The following KCNQ1OT1 variants were observed in gnomAD, a reference collection of about 807,000 sequenced individuals.
KCNQ1OT1 encodes KCNQ1 opposite strand/antisense transcript 1.
chr11:2,655,421 G>T (rs1849828225), exon 1 of KCNQ1OT1: 1 of 398,648 alleles, frequency 2.5e-6, no homozygotes. Context: ...TTGTCCCCAG[G>T]GCCAGCCACT....
Position 2,658,358 on chromosome 11 carries a change from T to C in KCNQ1OT1, n.41637A>G, listed in dbSNP as rs1849888750. 5.0e-6 allele frequency: 2 copies of C among 398,478 alleles called. No homozygotes were observed. The highest frequency in any genetic ancestry group is 8.8e-6 in the Non-Finnish European group (2 of 226,040). 24.7% of individuals were successfully genotyped at this position (398,478 alleles called of 1,614,324 possible). On this transcript the variant is annotated non_coding_transcript_exon_variant, in exon 1 of 1. Transcript: ENST00000597346. The surrounding 1 kb of genome is among the most constrained non-coding windows in gnomAD (Gnocchi z 4.9). ...TTTATTTAATTTTATCAGTGTGGAT[T>C]TGGGAGTATTTATTTTTTGAGTTAT...
At position 2,670,297 on chromosome 11, in the gene KCNQ1OT1, C is replaced by T. The variant is rs575710919; in HGVS notation, n.29698G>A. The T allele has an allele frequency of 2.8e-4, 110 of 398,432 alleles. 1 individual carries two copies. In the South Asian group the frequency reaches 0.013, roughly 48 times the overall value. The allele number at this position is 398,432 out of a possible 1,614,324, so 24.7% of individuals were successfully genotyped here. Reference sequence around the variant, plus strand: ...TTGTCTCTAGGCAACCCATAGGTGCCCAATGGAGAGATAATCTCAAATATG... The same window carrying T: ...TTGTCTCTAGGCAACCCATAGGTGCTCAATGGAGAGATAATCTCAAATATG... On this transcript the variant is annotated non_coding_transcript_exon_variant, in exon 1 of 1. Transcript: ENST00000597346. The surrounding 1 kb of genome is among the most constrained non-coding windows in gnomAD (Gnocchi z 4.9).
In KCNQ1OT1 at chr11:2,659,017, T is replaced by C; in HGVS notation, n.40978A>G. On this transcript the variant is annotated non_coding_transcript_exon_variant, in exon 1 of 1. Coordinates refer to ENST00000597346, the Ensembl canonical transcript of KCNQ1OT1. This position sits in a 1 kb window ranked among gnomAD's most constrained non-coding sequence, Gnocchi z 4.3. ...TTTGAAAGCAACATATGCCAGCTCC[T>C]CCTCCTCCTTTCCTTTCACTGCTAT... 2.5e-6 allele frequency: 1 copy of C among 398,646 alleles called. No homozygotes were observed. The highest frequency in any genetic ancestry group is 3.6e-5 in the East Asian group (1 of 28,070). The allele number at this position is 398,646 out of a possible 1,614,324, so 24.7% of individuals were successfully genotyped here. A position where few individuals can be genotyped will look rare whatever the true frequency, so the allele number is the denominator to read the frequency against.
At chr11:2,625,788 C>G in exon 1 of KCNQ1OT1, 1 of 398,144 alleles carries the variant, frequency 2.5e-6, no homozygotes, top group African/African-American at 2.1e-5. Flanking sequence ...CCAGGATGGT[C>G]TCAATCTCCT....
exon 1 of KCNQ1OT1, chr11:2,666,247 G>GGGA: frequency 2.5e-6 from 1 of 398,572 alleles, no homozygotes; most frequent in East Asian, 3.6e-5. Context: ...ATGGGCATGG[G>GGGA]GGAGGACCAG....
chr11:2,612,551 A>C lies in KCNQ1OT1; in HGVS notation n.87444T>G, dbSNP rs1304129548. On this transcript the variant is annotated non_coding_transcript_exon_variant, in exon 1 of 1. Coordinates refer to ENST00000597346, the Ensembl canonical transcript of KCNQ1OT1. The surrounding 1 kb of genome is among the most constrained non-coding windows in gnomAD (Gnocchi z 5.5). ...AGCCGCACTAGTGAGTTTTTCACCT[A>C]AGTTATTATATTTCACAACTACAGA... 1 of 398,456 alleles carries C rather than the reference A, an allele frequency of 2.5e-6. No individual in the cohort carries two copies. The highest frequency in any genetic ancestry group is 4.4e-6 in the Non-Finnish European group (1 of 226,060). 24.7% of individuals were successfully genotyped at this position (398,456 alleles called of 1,614,324 possible).
At position 2,667,455 on chromosome 11, in the gene KCNQ1OT1, A is replaced by G. The variant is rs369018608; in HGVS notation, n.32540T>C. 3.8e-5 allele frequency: 15 copies of G among 398,732 alleles called. 2 individuals carry two copies. Among genetic ancestry groups the G allele is most frequent in the African/African-American group, 2.9e-4 (14 of 48,762 alleles). 24.7% of individuals were successfully genotyped at this position (398,732 alleles called of 1,614,324 possible). A position where few individuals can be genotyped will look rare whatever the true frequency, so the allele number is the denominator to read the frequency against. On this transcript the variant is annotated non_coding_transcript_exon_variant, in exon 1 of 1. Transcript: ENST00000597346. The stretch of plus-strand genomic sequence containing the variant: ...CATGATGCTGCTCAGGTCCTCAGCC[A>G]AGCAGATGGTGTTGGAGGATGTGAC...
rs1403711732 is a variant in KCNQ1OT1 at position 2,679,599 on chromosome 11, A to G, written n.20396T>C. 2 of 398,508 alleles carry G rather than the reference A, an allele frequency of 5.0e-6. No homozygotes were observed. Among genetic ancestry groups the G allele is most frequent in the Non-Finnish European group, 8.8e-6 (2 of 226,078 alleles). The allele number at this position is 398,508 out of a possible 1,614,324, so 24.7% of individuals were successfully genotyped here. A position where few individuals can be genotyped will look rare whatever the true frequency, so the allele number is the denominator to read the frequency against. ...ACAGTGCCTGACAAAGCTGATGGGG[A>G]GGCGAGTTGGAATGAATAGTATCAG... On this transcript the variant is annotated non_coding_transcript_exon_variant, in exon 1 of 1. Coordinates refer to ENST00000597346, the Ensembl canonical transcript of KCNQ1OT1. The surrounding 1 kb of genome is among the most constrained non-coding windows in gnomAD (Gnocchi z 4.8).
chr11:2,698,209 G>C lies in KCNQ1OT1; in HGVS notation n.1786C>G. ...GGGCACCACAGTAAAGAAAGAACTG[G>C]TAAATGCACATCAAATGTGGATATT... On this transcript the variant is annotated non_coding_transcript_exon_variant, in exon 1 of 1. Coordinates refer to ENST00000597346, the Ensembl canonical transcript of KCNQ1OT1. This position sits in a 1 kb window ranked among gnomAD's most constrained non-coding sequence, Gnocchi z 5.1. 1 of 398,592 alleles carries C rather than the reference G, an allele frequency of 2.5e-6. No individual in the cohort carries two copies. The highest frequency in any genetic ancestry group is 1.3e-4 in the South Asian group (1 of 7,858). 24.7% of individuals were successfully genotyped at this position (398,592 alleles called of 1,614,324 possible).
rs1192424479 is a variant in KCNQ1OT1, at chr11:2,626,843, A to G, written n.73152T>C. 10 of 398,462 alleles carry G rather than the reference A, an allele frequency of 2.5e-5. No homozygotes were observed. Among genetic ancestry groups the G allele is most frequent in the East Asian group, 3.6e-5 (1 of 28,080 alleles). The allele number at this position is 398,462 out of a possible 1,614,324, so 24.7% of individuals were successfully genotyped here. On this transcript the variant is annotated non_coding_transcript_exon_variant, in exon 1 of 1. Coordinates refer to ENST00000597346, the Ensembl canonical transcript of KCNQ1OT1. The surrounding 1 kb of genome is among the most constrained non-coding windows in gnomAD (Gnocchi z 4.0). ...GTACCTGGCCTGTAGTAAGTTTTCA[A>G]ATCAGAAAGTGTGAGTCCTCCAATG...
exon 1 of KCNQ1OT1, chr11:2,662,189 C>T (rs1402502741): frequency 1.2e-5 from 18 of 1,467,896 alleles, no homozygotes; most frequent in East Asian, 2.3e-5. Flanking sequence ...GCTATCTACT[C>T]GCCTAGTGCC....
rs1039428772 is a variant in KCNQ1OT1, at chr11:2,671,210, G to A, written n.28785C>T. The A allele has an allele frequency of 5.0e-6, 2 of 398,508 alleles. No homozygotes were observed. The highest frequency in any genetic ancestry group is 8.8e-6 in the Non-Finnish European group (2 of 226,088). 24.7% of individuals were successfully genotyped at this position (398,508 alleles called of 1,614,324 possible). A position where few individuals can be genotyped will look rare whatever the true frequency, so the allele number is the denominator to read the frequency against. Reference sequence around the variant, plus strand: ...AGGAAAGAAAAATAAAAGGTAGAGAGACAGAGGTAGACAGGAGTCCAGGTC... The same window carrying A: ...AGGAAAGAAAAATAAAAGGTAGAGAAACAGAGGTAGACAGGAGTCCAGGTC... On this transcript the variant is annotated non_coding_transcript_exon_variant, in exon 1 of 1. Coordinates refer to ENST00000597346, the Ensembl canonical transcript of KCNQ1OT1. This position sits in a 1 kb window ranked among gnomAD's most constrained non-coding sequence, Gnocchi z 4.7.
chr11:2,673,916 T>C lies in KCNQ1OT1; in HGVS notation n.26079A>G, dbSNP rs2133871593. 2.7e-6 allele frequency: 1 copy of C among 372,728 alleles called. No individual in the cohort carries two copies. The highest frequency in any genetic ancestry group is 2.2e-5 in the African/African-American group (1 of 44,590). 23.1% of individuals were successfully genotyped at this position (372,728 alleles called of 1,614,324 possible). ...GATGGGAGCTCAGCTCACCGGGTGC[T>C]AGACAAGGGAGTGTGTCTCTTTCCC... On this transcript the variant is annotated non_coding_transcript_exon_variant, in exon 1 of 1. Coordinates refer to ENST00000597346, the Ensembl canonical transcript of KCNQ1OT1. The surrounding 1 kb of genome is among the most constrained non-coding windows in gnomAD (Gnocchi z 4.5).
At chr11:2,699,935 G>C (rs1307888629) in exon 1 of KCNQ1OT1, 1 of 398,282 alleles carries the variant, frequency 2.5e-6, no homozygotes, top group Non-Finnish European at 4.4e-6. Flanking sequence ...GGGCGCCCTG[G>C]CAGGATCTTG....
rs1849795649 is a variant in KCNQ1OT1 at position 2,653,879 on chromosome 11, G to A, written n.46116C>T. ...AACACTGCACACTAGGAGTGGGAAA[G>A]GAAGAGCCCCCTAAGGAAGATTTGA... On this transcript the variant is annotated non_coding_transcript_exon_variant, in exon 1 of 1. Transcript: ENST00000597346. The surrounding 1 kb of genome is among the most constrained non-coding windows in gnomAD (Gnocchi z 5.3). 1 of 398,556 alleles carries A rather than the reference G, an allele frequency of 2.5e-6. No homozygotes were observed. The highest frequency in any genetic ancestry group is 2.1e-5 in the African/African-American group (1 of 48,636). The allele number at this position is 398,556 out of a possible 1,614,324, so 24.7% of individuals were successfully genotyped here. A position where few individuals can be genotyped will look rare whatever the true frequency, so the allele number is the denominator to read the frequency against.
chr11:2,672,873 C>T (rs1222882044), exon 1 of KCNQ1OT1: 7 of 398,630 alleles, frequency 1.8e-5, no homozygotes, highest in Non-Finnish European at 2.7e-5. Flanking sequence ...ACCCTAGCCA[C>T]CTGACTGTCA....
chr11:2,635,996 G>T (rs868509986), exon 1 of KCNQ1OT1: 4 of 152,258 alleles, frequency 2.6e-5, no homozygotes, highest in African/African-American at 4.8e-5. Context: ...TCTGTTATTG[G>T]TGTATAAGAA....
At chr11:2,628,612 C>T in exon 1 of KCNQ1OT1, 1 of 398,282 alleles carries the variant, frequency 2.5e-6, no homozygotes, top group Admixed American at 4.4e-5. Flanking sequence ...TTTGTTGTTT[C>T]CTTTGTTGTG....
At position 2,687,855 on chromosome 11, in the gene KCNQ1OT1, G is replaced by T. The variant is rs1023491963; in HGVS notation, n.12140C>A. 7.5e-6 allele frequency: 3 copies of T among 398,638 alleles called. No homozygotes were observed. The highest frequency in any genetic ancestry group is 4.1e-5 in the African/African-American group (2 of 48,648). The allele number at this position is 398,638 out of a possible 1,614,324, so 24.7% of individuals were successfully genotyped here. On this transcript the variant is annotated non_coding_transcript_exon_variant, in exon 1 of 1. Coordinates refer to ENST00000597346, the Ensembl canonical transcript of KCNQ1OT1. This position sits in a 1 kb window ranked among gnomAD's most constrained non-coding sequence, Gnocchi z 5.0. ...CAGGCCAAACTCTGGTTCCTGAGGA[G>T]CCTCAAAGGCTGGACTTGGGGTGTC... is the stretch of plus-strand genomic sequence containing the variant.
Sources: gnomAD v4.1 joint callset for allele counts on GRCh38, gnomAD v4.1.1 for gene constraint, Gnocchi (gnomAD v3.1) non-coding constraint, MANE v1.5 for transcripts, NCBI Gene and HGNC (gene_info 2026-07-23, HGNC 2026-07-21) for gene names.